POLR3GL: variants seen among roughly 807,000 people sequenced by gnomAD.
POLR3GL encodes the protein DNA-directed RNA polymerase III subunit RPC7-like.
A neutral mutation model predicts 32.4 loss-of-function variants in POLR3GL; 26 were observed. The observed-to-expected ratio is 0.80, with a 90% CI of 0.59 to 1.11. POLR3GL has a LOEUF of 1.11. POLR3GL is among the 50% of genes most tolerant of loss of function. The probability of loss-of-function intolerance (pLI) is 0.00; values close to 1 mark genes in which losing one functional copy is unlikely to be tolerated. For missense variants in POLR3GL, 229 were observed against 280.1 expected (o/e 0.82, Z 1.30); for synonymous variants, 95 against 98.7 (o/e 0.96, Z 0.22).
chr1:145,978,266 G>A lies in POLR3GL; in HGVS notation c.571-95G>A, dbSNP rs181918749. 1,203 of 1,301,916 alleles carry A rather than the reference G, an allele frequency of 9.2e-4. 5 individuals carry two copies. The highest frequency in any genetic ancestry group is 7.5e-3 in the South Asian group (596 of 79,478). 80.6% of individuals were successfully genotyped at this position (1,301,916 alleles called of 1,614,324 possible). On this transcript the variant is annotated intron_variant, in intron 7 of 7. Transcript: ENST00000369314. The stretch of plus-strand genomic sequence containing the variant: ...AACTACAGCTGGAAGAGATGTCTCA[G>A]GCCTGGAATGGTGTGACTGAGAGGA...
intron 1 of POLR3GL, among the ~76,000 whole-genome samples, chr1:145,972,039 T>TAG (rs1201679187): frequency 9.2e-4 from 118 of 128,584 alleles, no homozygotes; most frequent in Admixed American, 1.2e-3. Context: ...TGTATATATA[T>TAG]AGAGAGAGAG....
At chr1:145,974,563 T>C (rs1650463526) in intron 1 of POLR3GL, among the ~76,000 whole-genome samples, 1 of 152,192 alleles carries the variant, frequency 6.6e-6, no homozygotes. Context: ...CTTAGGGATG[T>C]AGAGTTTTGT....
At chr1:145,975,872 C>T (rs587692650) in intron 3 of POLR3GL, among the ~76,000 whole-genome samples, 1 of 151,990 alleles carries the variant, frequency 6.6e-6, no homozygotes, top group East Asian at 1.9e-4. Context: ...AAGCACCAAC[C>T]AACAAGAGAA....
chr1:145,978,239 C>A, intron 7 of POLR3GL, 122 bp from the exon 8 acceptor site: 1 of 1,318,876 alleles, frequency 7.6e-7, no homozygotes, highest in Non-Finnish European at 1.1e-6. Flanking sequence ...CCCCCTTCTA[C>A]AAACTACAGC....
chr1:145,977,348 C>G, intron 4 of POLR3GL, 135 bp from the exon 5 acceptor site: 1 of 913,696 alleles, frequency 1.1e-6, no homozygotes. Flanking sequence ...AGGAGATATC[C>G]AAGCCACTGA....
intron 7 of POLR3GL, 30 bp from the exon 8 acceptor site, chr1:145,978,331 T>G (rs1650657747): frequency 7.2e-7 from 1 of 1,391,994 alleles, no homozygotes; most frequent in Non-Finnish European, 9.6e-7. Context: ...AATGCCAAAT[T>G]GACTTTTACT....
intron 1 of POLR3GL, among the ~76,000 whole-genome samples, chr1:145,970,499 G>C (rs1354338252): frequency 6.6e-6 from 1 of 151,446 alleles, no homozygotes; most frequent in Non-Finnish European, 1.5e-5. Flanking sequence ...ATATATTTTA[G>C]AACAATTTAA....
At chr1:145,977,337 C>T (rs1166914713) in intron 4 of POLR3GL, 146 bp from the exon 5 acceptor site, 1 of 861,858 alleles carries the variant, frequency 1.2e-6, no homozygotes, top group Non-Finnish European at 1.9e-6. Flanking sequence ...TCCCACTACT[C>T]AGGAGATATC....
At chr1:145,976,944 C>G (rs1278080892) in intron 3 of POLR3GL, 140 bp from the exon 4 acceptor site, 12 of 638,310 alleles carry the variant, frequency 1.9e-5, no homozygotes, top group Non-Finnish European at 3.1e-5. Context: ...AGATAAGGTC[C>G]TCACTGAAGC....
chr1:145,976,560 G>A (rs1194843236), intron 3 of POLR3GL, among the ~76,000 whole-genome samples: 2 of 139,046 alleles, frequency 1.4e-5, no homozygotes, highest in Non-Finnish European at 3.1e-5. Context: ...CCAGGCGACA[G>A]TGCGAGATTC....
rs144302107 is a variant in POLR3GL, at chr1:145,978,069, A to G, written c.543A>G (p.Glu181=). The change falls in exon 7 of 8, where the codon GAA becomes GAG. Residue 181 remains glutamate (E), a synonymous_variant. Coordinates refer to ENST00000369314, the MANE Select transcript of POLR3GL (RefSeq NM_032305.3). ...EEEEKEEEEE[E]EYDEEEHEEE... ...AAGAGAAGGAAGAGGAGGAAGAAGA[A>G]GAGTATGATGAAGAAGAACATGAAG... 63 of 1,604,746 alleles carry G rather than the reference A, an allele frequency of 3.9e-5. No individual in the cohort carries two copies. The highest frequency in any genetic ancestry group is 5.3e-5 in the Non-Finnish European group (62 of 1,173,990).
Position 145,972,719 on chromosome 1 carries a change from G to A in POLR3GL, c.-41-2106G>A, listed in dbSNP as rs969105532. ...TTTTGTTTGTTTTTCGTTTGTTTGAGACAGAGTCTTTACTCTGCCACCCAG... is the reference window on the plus strand; with the variant it reads ...TTTTGTTTGTTTTTCGTTTGTTTGAAACAGAGTCTTTACTCTGCCACCCAG... On this transcript the variant is annotated intron_variant, in intron 1 of 7. Coordinates refer to ENST00000369314, the MANE Select transcript of POLR3GL (RefSeq NM_032305.3). 2.0e-5 allele frequency among the ~76,000 whole-genome samples: 3 copies of A among 151,634 alleles called. No homozygotes were observed. The East Asian group carries it at 5.8e-4, about 29-fold the overall frequency.
rs1202702476 is a variant in POLR3GL at position 145,975,048 on chromosome 1, A to T, written c.126+57A>T. The T allele has an allele frequency of 3.3e-6, 5 of 1,494,718 alleles. No individual in the cohort carries two copies. In the African/African-American group the frequency reaches 5.6e-5, roughly 17 times the overall value. 92.6% of individuals were successfully genotyped at this position (1,494,718 alleles called of 1,614,324 possible). The stretch of plus-strand genomic sequence containing the variant: ...ATGTGCCCCTGGCTGACTGTACATG[A>T]TTCTGAATTCCTCCTGGACCATCAT... On this transcript the variant is annotated intron_variant, in intron 2 of 7. Coordinates refer to ENST00000369314, the MANE Select transcript of POLR3GL (RefSeq NM_032305.3).
At chr1:145,974,697 C>G in intron 1 of POLR3GL, 128 bp from the exon 2 acceptor site, 1 of 570,908 alleles carries the variant, frequency 1.8e-6, no homozygotes, top group Non-Finnish European at 2.8e-6. Context: ...TGTGCCTTCT[C>G]AGTCAAAATT....
intron 5 of POLR3GL, 78 bp from the exon 6 acceptor site, chr1:145,977,700 A>G (rs782503288): frequency 8.2e-5 from 115 of 1,409,180 alleles, no homozygotes; most frequent in Admixed American, 1.2e-4. Context: ...GCAGAGTGAC[A>G]TGTTCTTTGC....
In POLR3GL at chr1:145,977,994, G is replaced by T; in HGVS notation, c.468G>T (p.Lys156Asn). 6.2e-7 allele frequency: 1 copy of T among 1,613,312 alleles called. No individual in the cohort carries two copies. The highest frequency in any genetic ancestry group is 8.5e-7 in the Non-Finnish European group (1 of 1,179,344). ...ETIQKLETLE[K>N]KEEEVTSEED... ...CATCCCCACATGAGACCCTGGAGAA[G>T]AAGGAAGAAGAAGTAACTTCAGAGG... is the stretch of plus-strand genomic sequence containing the variant. Residue 156 changes from lysine (K) to asparagine (N), a missense_variant, in exon 7 of 8, where the codon AAG becomes AAT. Physicochemically the swap from Lys to Asn is moderately conservative, Grantham distance 94. Transcript: ENST00000369314.
Position 145,978,747 on chromosome 1 carries a change from C to G in POLR3GL, c.*300C>G, listed in dbSNP as rs1012051038. 6.1e-6 allele frequency: 2 copies of G among 329,226 alleles called. No homozygotes were observed. The highest frequency in any genetic ancestry group is 1.1e-5 in the Non-Finnish European group (2 of 179,040). The allele number at this position is 329,226 out of a possible 1,614,324, so 20.4% of individuals were successfully genotyped here. On this transcript the variant is annotated 3_prime_UTR_variant, in exon 8 of 8. Coordinates refer to ENST00000369314, the MANE Select transcript of POLR3GL (RefSeq NM_032305.3). Reference sequence around the variant, plus strand: ...AGCTGAGATGACTGTACACATACCCCTGCCCAATTTATATAGCTCTTTGTG... The same window carrying G: ...AGCTGAGATGACTGTACACATACCCGTGCCCAATTTATATAGCTCTTTGTG...
chr1:145,976,959 C>A (rs1294187974), intron 3 of POLR3GL, 125 bp from the exon 4 acceptor site: 5 of 755,884 alleles, frequency 6.6e-6, no homozygotes, highest in South Asian at 1.5e-5. Flanking sequence ...TGAAGCTGAC[C>A]CCCTGGGCTC....
intron 1 of POLR3GL, among the ~76,000 whole-genome samples, chr1:145,969,943 C>T (rs1650205676): frequency 6.7e-6 from 1 of 149,106 alleles, no homozygotes; most frequent in African/African-American, 2.5e-5. Context: ...AAAAAAGATA[C>T]ACAACTCTCC....
Sources: allele counts gnomAD v4.1 joint callset (sites outside exome capture counted in the v4.1 genomes callset), GRCh38; gene constraint gnomAD v4.1.1; transcripts MANE v1.5; gene names NCBI Gene and HGNC (gene_info 2026-07-23, HGNC 2026-07-21).